BBX: variants seen among roughly 807,000 people sequenced by gnomAD.
BBX encodes the protein BBX high mobility group box domain containing.
In BBX, 30 loss-of-function variants were observed where a neutral mutation model predicts 100.2. That is an observed-to-expected ratio of 0.30 (90% CI 0.22 to 0.41). BBX has a LOEUF of 0.41. Ranked by LOEUF, BBX falls within the 10% of genes least tolerant of loss-of-function variation. The pLI, the probability that BBX is intolerant of heterozygous loss-of-function variation, is 1.00. For missense variants in BBX, 1,023 were observed against 1,129.8 expected, an observed-to-expected ratio of 0.91 and a Z score of 1.35; for synonymous variants, 376 against 388.1, an observed-to-expected ratio of 0.97 and a Z score of 0.37.
chr3:107,659,509 T>C (rs534161333), intron 3 of BBX: 1 of 209,462 alleles, frequency 4.8e-6, no homozygotes, highest in African/African-American at 2.4e-5. Flanking sequence ...CAAATACCTA[T>C]CAAAATATAA....
At chr3:107,536,784 T>C (rs1020048874) in intron 2 of BBX, among the ~76,000 whole-genome samples, 1 of 152,106 alleles carries the variant, frequency 6.6e-6, no homozygotes. Flanking sequence ...TTTGGAGATA[T>C]GAAGATGAAT....
At chr3:107,778,347 G>A (rs2107822664) in intron 12 of BBX, 24 bp from the exon 13 acceptor site, 1 of 1,612,376 alleles carries the variant, frequency 6.2e-7, no homozygotes, top group Non-Finnish European at 8.5e-7. Context: ...TGTGCTGATT[G>A]ATTCCCCTCT....
At chr3:107,698,976 G>A (rs1380796645) in intron 3 of BBX, among the ~76,000 whole-genome samples, 2 of 151,734 alleles carry the variant, frequency 1.3e-5, no homozygotes, top group South Asian at 2.1e-4. Context: ...CAAGGAAAAG[G>A]ACTATGGGCA....
At chr3:107,578,882 G>A (rs913323442) in intron 2 of BBX, among the ~76,000 whole-genome samples, 1 of 152,176 alleles carries the variant, frequency 6.6e-6, no homozygotes, top group Non-Finnish European at 1.5e-5. Flanking sequence ...ATTTGGAAGA[G>A]TAGAAGAAGG....
intron 3 of BBX, among the ~76,000 whole-genome samples, chr3:107,666,498 T>G (rs1273322705): frequency 6.6e-6 from 1 of 151,158 alleles, no homozygotes; most frequent in Non-Finnish European, 1.5e-5. Context: ...GGATTTATTT[T>G]TAATAACACT....
At chr3:107,749,743 C>T (rs1289461914) in intron 9 of BBX, among the ~76,000 whole-genome samples, 1 of 151,908 alleles carries the variant, frequency 6.6e-6, no homozygotes, top group Non-Finnish European at 1.5e-5. Flanking sequence ...AAGCGATTCT[C>T]CTGCCTCAGC....
chr3:107,770,759 T>C (rs2066840725), intron 10 of BBX, among the ~76,000 whole-genome samples: 1 of 152,144 alleles, frequency 6.6e-6, no homozygotes, highest in Admixed American at 6.5e-5. Context: ...TCTTGTCATG[T>C]TCACTTTTTT....
At position 107,642,974 on chromosome 3, in the gene BBX, A is replaced by C. The variant is rs570557143; in HGVS notation, c.-83-2862A>C. Reference sequence around the variant, plus strand: ...AAAAGCAGTCATTCATGGGGATTAAATATTCTTCTGTGTAAGTGGGCAGCA... The same window carrying C: ...AAAAGCAGTCATTCATGGGGATTAACTATTCTTCTGTGTAAGTGGGCAGCA... On this transcript the variant is annotated intron_variant, in intron 2 of 17. Transcript: ENST00000325805. Among the ~76,000 whole-genome samples the C allele has an allele frequency of 3.9e-4, 60 of 152,300 alleles. No homozygotes were observed. The South Asian group carries it at 0.012, about 31-fold the overall frequency.
chr3:107,566,973 G>A (rs2050967062), intron 2 of BBX, among the ~76,000 whole-genome samples: 1 of 152,086 alleles, frequency 6.6e-6, no homozygotes, highest in African/African-American at 2.4e-5. Flanking sequence ...CTCAGGTAGT[G>A]TAGTGATTGT....
intron 10 of BBX, among the ~76,000 whole-genome samples, chr3:107,759,780 G>A (rs777826397): frequency 1.3e-5 from 2 of 152,162 alleles, no homozygotes; most frequent in African/African-American, 2.4e-5. Flanking sequence ...CGGTGATATA[G>A]GAACATGTTA....
chr3:107,716,525 C>G, intron 4 of BBX, 82 bp from the exon 5 acceptor site: 6 of 1,512,752 alleles, frequency 4.0e-6, no homozygotes, highest in South Asian at 1.3e-5. Context: ...GAAAAAAATA[C>G]AATTTGCAAA....
At position 107,654,482 on chromosome 3, in the gene BBX, G is replaced by T. The variant is rs556212138; in HGVS notation, c.-10+8573G>T. ...CTATAATAGAATATTTTATACATTGGAGTTTATTATGTGCCTCTGAAAAAA... is the reference window on the plus strand; with the variant it reads ...CTATAATAGAATATTTTATACATTGTAGTTTATTATGTGCCTCTGAAAAAA... On this transcript the variant is annotated intron_variant, in intron 3 of 17. Coordinates refer to ENST00000325805, the MANE Select transcript of BBX (RefSeq NM_001142568.3). 9.8e-4 allele frequency among the ~76,000 whole-genome samples: 148 copies of T among 151,724 alleles called. 2 individuals carry two copies. The highest frequency in any genetic ancestry group is 2.7e-3 in the South Asian group (13 of 4,800).
At position 107,631,010 on chromosome 3, in the gene BBX, G is replaced by A. The variant is rs7624023; in HGVS notation, c.-83-14826G>A. Among the ~76,000 whole-genome samples, 942 of 152,246 alleles carry A rather than the reference G, an allele frequency of 6.2e-3. 10 individuals are homozygous for A. Among genetic ancestry groups the A allele is most frequent in the African/African-American group, 0.022 (896 of 41,542 alleles). On this transcript the variant is annotated intron_variant, in intron 2 of 17. Coordinates refer to ENST00000325805, the MANE Select transcript of BBX (RefSeq NM_001142568.3). ...ACATCTCTTCACCATAGGTTTAGTG[G>A]TGTGCATTTAGATGACTCACAGATC...
chr3:107,692,207 T>G (rs1378674640), intron 3 of BBX, among the ~76,000 whole-genome samples: 1 of 150,938 alleles, frequency 6.6e-6, no homozygotes, highest in Non-Finnish European at 1.5e-5. Context: ...TATTTATTAT[T>G]ATTATACTTT....
chr3:107,532,012 G>A (rs764635383), intron 2 of BBX, among the ~76,000 whole-genome samples: 6 of 152,046 alleles, frequency 3.9e-5, no homozygotes, highest in Non-Finnish European at 8.8e-5. Context: ...GGGCAACATA[G>A]TGAGACCTTG....
At chr3:107,605,199 A>C (rs1559864644) in intron 2 of BBX, among the ~76,000 whole-genome samples, 1 of 152,196 alleles carries the variant, frequency 6.6e-6, no homozygotes, top group Non-Finnish European at 1.5e-5. Flanking sequence ...GCAAATGAGC[A>C]GGTGATTTGT....
chr3:107,778,237 T>C (rs1346393258), intron 12 of BBX, 134 bp from the exon 13 acceptor site: 4 of 1,091,348 alleles, frequency 3.7e-6, no homozygotes, highest in Non-Finnish European at 5.3e-6. Flanking sequence ...GGTGTTTTTT[T>C]CCTTGCACAG....
chr3:107,626,687 T>C (rs1240648230), intron 2 of BBX, among the ~76,000 whole-genome samples: 1 of 148,604 alleles, frequency 6.7e-6, no homozygotes, highest in South Asian at 2.1e-4. Flanking sequence ...TGGAGTCTTA[T>C]GCTGTCACCC....
chr3:107,566,783 A>G (rs1417490198), intron 2 of BBX, among the ~76,000 whole-genome samples: 1 of 151,350 alleles, frequency 6.6e-6, no homozygotes, highest in East Asian at 1.9e-4. Context: ...TTTGTTTTTC[A>G]TGTATTTATT....
Sources: allele counts gnomAD v4.1 joint callset (sites outside exome capture counted in the v4.1 genomes callset), GRCh38; gene constraint gnomAD v4.1.1; transcripts MANE v1.5; gene names NCBI Gene and HGNC (gene_info 2026-07-23, HGNC 2026-07-21).